The following ZCCHC14 variants were observed in gnomAD, a reference collection of about 807,000 sequenced individuals.
ZCCHC14 encodes the protein zinc finger CCHC-type containing 14, also known as zinc finger CCHC domain-containing protein 14.
In ZCCHC14, 16 loss-of-function variants were observed where a neutral mutation model predicts 85.0. That is an observed-to-expected ratio of 0.19 (90% CI 0.13 to 0.29). The LOEUF (loss-of-function observed/expected upper bound fraction) is 0.29, where lower values mean the gene tolerates loss of function less well. Among genes scored for constraint, ZCCHC14 ranks in the 10% least tolerant of loss-of-function variants. The pLI is 1.00. For synonymous variants in ZCCHC14, 775 were observed against 630.7 expected (o/e 1.23, Z -3.43); for missense variants, 1,303 against 1,443.5 (o/e 0.90, Z 1.58).
chr16:87,415,223 G>A (rs1322335522), intron 9 of ZCCHC14, 53 bp downstream of exon 9: 8 of 1,556,634 alleles, frequency 5.1e-6, no homozygotes, highest in East Asian at 4.5e-5. Flanking sequence ...CACTCCATTC[G>A]GCACACGAGA....
intron 2 of ZCCHC14, among the ~76,000 whole-genome samples, chr16:87,455,112 A>G (rs1269098121): frequency 1.3e-5 from 2 of 152,212 alleles, no homozygotes; most frequent in Admixed American, 1.3e-4. Flanking sequence ...AACATGGAGA[A>G]ACCCCATCTC....
At chr16:87,489,579 CA>C (rs371105377) in intron 1 of ZCCHC14, among the ~76,000 whole-genome samples, 3 of 152,288 alleles carry the variant, frequency 2.0e-5, no homozygotes, top group African/African-American at 7.2e-5. Flanking sequence ...AGGTAGGTTA[CA>C]TCCCCTCCAC....
chr16:87,431,381 G>A (rs1032425135), intron 3 of ZCCHC14, among the ~76,000 whole-genome samples: 1 of 148,188 alleles, frequency 6.7e-6, no homozygotes, highest in African/African-American at 2.5e-5. Context: ...GCTGAGGCAG[G>A]AAAATGGTGT....
chr16:87,419,186 T>C (rs1334367552), intron 6 of ZCCHC14, among the ~76,000 whole-genome samples: 2 of 151,496 alleles, frequency 1.3e-5, no homozygotes, highest in African/African-American at 4.9e-5. Context: ...TGGAGTGCAG[T>C]GGGGCAATCT....
At position 87,412,612 on chromosome 16, in the gene ZCCHC14, G is replaced by A. The variant is rs765697479; in HGVS notation, c.2109C>T (p.Ser703=). ...GGACCTGCACAGGCTGGTGGGGTGC[G>A]GACGCGGGCAGCACGTCCATCATGG... ...GSAMMDVLPA[S]APHQPVQVLS... is the part of the protein sequence containing the mutation. Residue 703 remains serine (S), a synonymous_variant, in exon 12 of 13, where the codon TCC becomes TCT. Coordinates refer to ENST00000671377, the MANE Select transcript of ZCCHC14 (RefSeq NM_015144.3). The A allele has an allele frequency of 7.4e-6, 12 of 1,614,052 alleles. No homozygotes were observed. The highest frequency in any genetic ancestry group is 4.5e-5 in the East Asian group (2 of 44,892).
intron 1 of ZCCHC14, among the ~76,000 whole-genome samples, chr16:87,475,492 G>A (rs1911962918): frequency 3.4e-5 from 5 of 148,526 alleles, no homozygotes. Flanking sequence ...GTCGGAGGTT[G>A]CAGTGAGCCG....
intron 8 of ZCCHC14, among the ~76,000 whole-genome samples, chr16:87,416,556 A>G (rs1028845343): frequency 2.0e-5 from 3 of 152,116 alleles, no homozygotes; most frequent in African/African-American, 7.2e-5. Context: ...GGAGTTCGAG[A>G]CTAGCCTGGC....
chr16:87,417,185 T>G (rs1048915640), intron 8 of ZCCHC14, among the ~76,000 whole-genome samples: 20 of 152,188 alleles, frequency 1.3e-4, no homozygotes, highest in African/African-American at 4.3e-4. Flanking sequence ...AGCAGGGCTC[T>G]GGGGACGGAC....
chr16:87,434,415 G>C (rs546216628), intron 2 of ZCCHC14, among the ~76,000 whole-genome samples: 1 of 152,332 alleles, frequency 6.6e-6, no homozygotes, highest in East Asian at 1.9e-4. Flanking sequence ...ACACATAACT[G>C]GGAAAGAGGC....
chr16:87,441,894 C>T (rs1051028508), intron 2 of ZCCHC14, among the ~76,000 whole-genome samples: 11 of 152,206 alleles, frequency 7.2e-5, no homozygotes, highest in Admixed American at 2.6e-4. Flanking sequence ...GGAAGGGAGA[C>T]GCTCCTCTCT....
chr16:87,417,033 A>C (rs1161256572), intron 8 of ZCCHC14, among the ~76,000 whole-genome samples: 1 of 152,198 alleles, frequency 6.6e-6, no homozygotes, highest in African/African-American at 2.4e-5. Context: ...AATGTTCCTC[A>C]TAAGAATTCT....
intron 1 of ZCCHC14, among the ~76,000 whole-genome samples, chr16:87,481,491 T>C (rs1026215110): frequency 6.3e-5 from 8 of 127,384 alleles, no homozygotes; most frequent in Admixed American, 1.9e-4. Flanking sequence ...GTGCCATGTA[T>C]GTGAGCACCA....
chr16:87,429,994 T>C (rs1163848587), intron 3 of ZCCHC14, among the ~76,000 whole-genome samples: 1 of 152,252 alleles, frequency 6.6e-6, no homozygotes, highest in Non-Finnish European at 1.5e-5. Flanking sequence ...GACTTGCAAA[T>C]ATTTTCTCCT....
chr16:87,417,544 C>T lies in ZCCHC14; in HGVS notation c.1299G>A (p.Gln433=), dbSNP rs773126398. 10 of 1,614,154 alleles carry T rather than the reference C, an allele frequency of 6.2e-6. No individual in the cohort carries two copies. The highest frequency in any genetic ancestry group is 4.0e-5 in the African/African-American group (3 of 74,948). ...GCCAGTCTAGAATCCCATTCTGCTC[C>T]TGGGTCTGAGGGGTCTGCAGACTGG... ...MPSSLQTPQT[Q]EQNGILDWLR... is the part of the protein sequence containing the mutation. The change falls in exon 8 of 13, where the codon CAG becomes CAA. Residue 433 remains glutamine (Q), a synonymous_variant. Transcript: ENST00000671377.
At position 87,419,783 on chromosome 16, in the gene ZCCHC14, T is replaced by G. The variant is rs1908995734; in HGVS notation, c.1045A>C (p.Ser349Arg). 6.3e-7 allele frequency: 1 copy of G among 1,595,826 alleles called. No homozygotes were observed. The highest frequency in any genetic ancestry group is 1.8e-5 in the Admixed American group (1 of 55,074). The change falls in exon 6 of 13, where the codon AGT becomes CGT. Residue 349 changes from serine to arginine, a missense_variant and splice_region_variant. Transcript: ENST00000671377. ...SSPPQQLQSP[S>R]PGNPSLSKVG... Reference sequence around the variant, plus strand: ...ATTTAACCATATTTTACAAACTCACTTGGACTCTGAAGCTGCTGTGGGGGA... The same window carrying G: ...ATTTAACCATATTTTACAAACTCACGTGGACTCTGAAGCTGCTGTGGGGGA...
intron 2 of ZCCHC14, among the ~76,000 whole-genome samples, chr16:87,453,235 C>T (rs910631143): frequency 5.9e-5 from 9 of 152,220 alleles, no homozygotes; most frequent in African/African-American, 2.2e-4. Context: ...GACCTGGGCC[C>T]GCTGGGCCAC....
In ZCCHC14 at chr16:87,453,849, A is replaced by G. The variant is rs1370714505; in HGVS notation, c.694+6159T>C. 2.0e-5 allele frequency among the ~76,000 whole-genome samples: 3 copies of G among 152,246 alleles called. No homozygotes were observed. In the East Asian group the frequency reaches 5.8e-4, roughly 29 times the overall value. ...TGGACACCAGCCCTAAGTGACCCCA[A>G]TGCTGGAACTGGCAGACCAGGATTT... On this transcript the variant is annotated intron_variant, in intron 2 of 12. Transcript: ENST00000671377.
At chr16:87,453,562 G>C (rs955382548) in intron 2 of ZCCHC14, among the ~76,000 whole-genome samples, 1 of 152,216 alleles carries the variant, frequency 6.6e-6, no homozygotes, top group Non-Finnish European at 1.5e-5. Context: ...CCACACACCT[G>C]GCTGCCCCAG....
intron 3 of ZCCHC14, among the ~76,000 whole-genome samples, chr16:87,432,443 C>T (rs752713051): frequency 2.0e-5 from 3 of 152,140 alleles, no homozygotes; most frequent in Non-Finnish European, 2.9e-5. Context: ...CCAGGATGAA[C>T]GCGTGAGGAC....
Sources: allele counts gnomAD v4.1 joint callset (sites outside exome capture counted in the v4.1 genomes callset), GRCh38; gene constraint gnomAD v4.1.1; transcripts MANE v1.5; gene names NCBI Gene and HGNC (gene_info 2026-07-23, HGNC 2026-07-21).